Variants in PTPRD observed in about 807,000 individuals in gnomAD.
The protein encoded by PTPRD is receptor-type tyrosine-protein phosphatase delta.
A neutral mutation model predicts 214.5 loss-of-function variants in PTPRD; 34 were observed. The observed-to-expected ratio is 0.16, with a 90% CI of 0.12 to 0.21. PTPRD has a LOEUF of 0.21. Among genes scored for constraint, PTPRD ranks in the 10% least tolerant of loss-of-function variants. The pLI is 1.00. For synonymous variants in PTPRD, 1,128 were observed against 845.7 expected (o/e 1.33, Z -5.79); for missense variants, 2,545 against 2,398.7 (o/e 1.06, Z -1.27).
chr9:10,473,053 C>T (rs2099041255), intron 2 of PTPRD, among the ~76,000 whole-genome samples: 1 of 151,488 alleles, frequency 6.6e-6, no homozygotes, highest in Non-Finnish European at 1.5e-5. Context: ...TGTATATGAC[C>T]AAATTAAATT....
chr9:9,839,084 C>T (rs927179628), intron 5 of PTPRD, among the ~76,000 whole-genome samples: 24 of 152,104 alleles, frequency 1.6e-4, no homozygotes, highest in Middle Eastern at 3.4e-3. Context: ...TGTAGATATG[C>T]GGCGTTATTT....
intron 27 of PTPRD, among the ~76,000 whole-genome samples, chr9:8,487,069 T>C (rs1237871233): frequency 6.6e-6 from 1 of 152,212 alleles, no homozygotes; most frequent in Non-Finnish European, 1.5e-5. Flanking sequence ...AACTTTACTA[T>C]CCACATCATT....
At chr9:9,461,607 C>G (rs1372447093) in intron 8 of PTPRD, among the ~76,000 whole-genome samples, 2 of 152,060 alleles carry the variant, frequency 1.3e-5, no homozygotes, top group African/African-American at 2.4e-5. Flanking sequence ...AGCTAGGGGT[C>G]TATTCAGGAA....
intron 14 of PTPRD, among the ~76,000 whole-genome samples, chr9:8,622,666 C>T (rs1455390158): frequency 2.0e-5 from 3 of 151,842 alleles, no homozygotes; most frequent in Non-Finnish European, 4.4e-5. Flanking sequence ...GCTAGATTAT[C>T]AAATGAATAA....
intron 7 of PTPRD, among the ~76,000 whole-genome samples, chr9:9,651,719 T>C (rs2096357336): frequency 6.6e-6 from 1 of 152,116 alleles, no homozygotes; most frequent in African/African-American, 2.4e-5. Flanking sequence ...TACTTGTGTC[T>C]TTATAATAGA....
At chr9:10,578,394 G>T (rs1291503743) in intron 2 of PTPRD, among the ~76,000 whole-genome samples, 1 of 151,968 alleles carries the variant, frequency 6.6e-6, no homozygotes, top group African/African-American at 2.4e-5. Context: ...GTTATGTTCA[G>T]TTTTAAATAC....
intron 9 of PTPRD, among the ~76,000 whole-genome samples, chr9:9,382,691 C>T (rs2062698798): frequency 1.3e-5 from 2 of 152,034 alleles, no homozygotes; most frequent in South Asian, 4.1e-4. Flanking sequence ...GGGACTCTTG[C>T]ACATTGTAGG....
chr9:8,572,220 C>T (rs569138684), intron 14 of PTPRD, among the ~76,000 whole-genome samples: 1 of 152,092 alleles, frequency 6.6e-6, no homozygotes, highest in Non-Finnish European at 1.5e-5. Context: ...AAAGCATAAT[C>T]TTTCCATTTT....
chr9:9,302,601 C>CTTTTTTTTTTTTTTTTTTTTTTTTTTTTT (rs3047853), intron 9 of PTPRD, among the ~76,000 whole-genome samples: 9 of 111,888 alleles, frequency 8.0e-5, no homozygotes, highest in East Asian at 2.7e-4. Context: ...TTTTTTTTTT[C>CTTTTTTTTTTTTTTTTTTTTTTTTTTTTT]TTTTTTTTTT....
At chr9:10,255,260 G>A (rs2093159398) in intron 3 of PTPRD, among the ~76,000 whole-genome samples, 1 of 152,140 alleles carries the variant, frequency 6.6e-6, no homozygotes, top group Non-Finnish European at 1.5e-5. Context: ...ACATCATAGA[G>A]TGCTTTTACA....
intron 5 of PTPRD, among the ~76,000 whole-genome samples, chr9:9,873,531 C>T (rs2066040181): frequency 6.6e-6 from 1 of 151,846 alleles, no homozygotes; most frequent in Admixed American, 6.6e-5. Context: ...GGGTAATTTA[C>T]CACAGAGTCC....
At chr9:8,551,223 C>A (rs750216512) in intron 14 of PTPRD, among the ~76,000 whole-genome samples, 3 of 152,170 alleles carry the variant, frequency 2.0e-5, no homozygotes, top group African/African-American at 7.2e-5. Flanking sequence ...GGCCCCATGA[C>A]CCATAGCACA....
intron 14 of PTPRD, among the ~76,000 whole-genome samples, chr9:8,632,078 A>G (rs185774505): frequency 1.1e-3 from 162 of 151,794 alleles, no homozygotes; most frequent in African/African-American, 3.6e-3. Flanking sequence ...TTAAGGATAT[A>G]TATGTAAATA....
At chr9:10,048,658 C>T (rs2097454642) in intron 3 of PTPRD, among the ~76,000 whole-genome samples, 1 of 151,936 alleles carries the variant, frequency 6.6e-6, no homozygotes. Context: ...GATTTATGAC[C>T]TCAGCATGCA....
rs150310012 is a variant in PTPRD at position 8,895,388 on chromosome 9, T to C, written c.-104+123309A>G. On this transcript the variant is annotated intron_variant, in intron 11 of 45. Transcript: ENST00000381196. ...ATGGATAATATGTTCCCACTCTCTC[T>C]GTCCTTTTGAAAAAGAGACTGAGAG... 9.7e-4 allele frequency among the ~76,000 whole-genome samples: 147 copies of C among 152,318 alleles called. 1 individual carries two copies. The highest frequency in any genetic ancestry group is 3.4e-3 in the African/African-American group (141 of 41,584).
chr9:9,529,126 G>T (rs1359511202), intron 8 of PTPRD, among the ~76,000 whole-genome samples: 1 of 151,586 alleles, frequency 6.6e-6, no homozygotes, highest in Non-Finnish European at 1.5e-5. Context: ...TAGAGATGGG[G>T]TTTCACCATG....
At chr9:8,932,534 C>A (rs10116947) in intron 11 of PTPRD, among the ~76,000 whole-genome samples, 33,943 of 152,096 alleles carry the variant, frequency 0.22, 4,014 homozygotes, top group African/African-American at 0.28. Flanking sequence ...AAGTCCCTGA[C>A]TGTGGCTGCT....
At chr9:9,189,441 T>G (rs2099933746) in intron 9 of PTPRD, among the ~76,000 whole-genome samples, 1 of 152,102 alleles carries the variant, frequency 6.6e-6, no homozygotes, top group Non-Finnish European at 1.5e-5. Context: ...GAAATTTTAT[T>G]AATTCACTTT....
At chr9:9,784,957 G>A in intron 5 of PTPRD, among the ~76,000 whole-genome samples, 1 of 151,256 alleles carries the variant, frequency 6.6e-6, no homozygotes, top group East Asian at 1.9e-4. Context: ...GGTTTGCTAT[G>A]TACAGGGTTT....
Sources: allele counts gnomAD v4.1 joint callset (sites outside exome capture counted in the v4.1 genomes callset), GRCh38; gene constraint gnomAD v4.1.1; transcripts MANE v1.5; gene names NCBI Gene and HGNC (gene_info 2026-07-23, HGNC 2026-07-21).